GPD1L: variants seen among roughly 807,000 people sequenced by gnomAD.
The protein encoded by GPD1L is glycerol-3-phosphate dehydrogenase 1 like.
GPD1L carries 17 observed loss-of-function variants against 32.9 expected under a neutral mutation model. The observed-to-expected ratio is 0.52, with a 90% CI of 0.35 to 0.78. GPD1L has a LOEUF of 0.78. Ranked by LOEUF, GPD1L falls within the 30% of genes least tolerant of loss-of-function variation. GPD1L has a pLI of 0.01. For synonymous variants in GPD1L, 187 were observed against 165.9 expected, an observed-to-expected ratio of 1.13 and a Z score of -0.98; for missense variants, 361 against 447.8, an observed-to-expected ratio of 0.81 and a Z score of 1.75.
chr3:32,154,554 A>G (rs917677885), intron 5 of GPD1L, among the ~76,000 whole-genome samples: 5 of 151,938 alleles, frequency 3.3e-5, no homozygotes, highest in African/African-American at 7.3e-5. Flanking sequence ...CTGACCCTAG[A>G]GCAGCACGGT....
intron 1 of GPD1L, among the ~76,000 whole-genome samples, chr3:32,108,161 G>A (rs550750131): frequency 3.2e-4 from 49 of 152,334 alleles, no homozygotes; most frequent in African/African-American, 1.2e-3. Flanking sequence ...CACTTTGGGA[G>A]GCTGAGGTGG....
chr3:32,158,879 A>T lies in GPD1L; in HGVS notation c.622A>T (p.Ile208Phe), dbSNP rs960188961. The T allele has an allele frequency of 6.2e-7, 1 of 1,613,932 alleles. No individual in the cohort carries two copies. Among genetic ancestry groups the T allele is most frequent in the African/African-American group, 1.3e-5 (1 of 75,056 alleles). The change falls in exon 6 of 8, where the codon ATC becomes TTC. Residue 208 changes from isoleucine to phenylalanine, a missense_variant. By Grantham distance (21) the Ile-to-Phe change is conservative (BLOSUM62 0). Coordinates refer to ENST00000282541, the MANE Select transcript of GPD1L (RefSeq NM_015141.4). ...TVELCGALKN[I>F]VAVGAGFCDG... The stretch of plus-strand genomic sequence containing the variant: ...GGCTTTGTCATCTCCTTTGCAGAAC[A>T]TCGTAGCTGTGGGAGCTGGGTTCTG...
At chr3:32,116,179 G>A (rs1412374625) in intron 1 of GPD1L, among the ~76,000 whole-genome samples, 2 of 152,172 alleles carry the variant, frequency 1.3e-5, no homozygotes, top group Admixed American at 6.5e-5. Flanking sequence ...TCTCCATTGT[G>A]TGGGTCGTCT....
At chr3:32,159,134 AC>A in intron 6 of GPD1L, 25 bp downstream of exon 6, 1 of 1,549,464 alleles carries the variant, frequency 6.5e-7, no homozygotes, top group Non-Finnish European at 8.9e-7. Flanking sequence ...GCTCTCCCGC[AC>A]CCCCTCCTTC....
At chr3:32,148,288 C>T (rs1170823329) in intron 5 of GPD1L, among the ~76,000 whole-genome samples, 1 of 152,078 alleles carries the variant, frequency 6.6e-6, no homozygotes, top group Non-Finnish European at 1.5e-5. Flanking sequence ...GAGGTGAGGG[C>T]TTTGGAAAAG....
chr3:32,128,833 C>T (rs1700549084), intron 2 of GPD1L, among the ~76,000 whole-genome samples: 1 of 152,216 alleles, frequency 6.6e-6, no homozygotes, highest in Admixed American at 6.5e-5. Context: ...GTAGCTCCTG[C>T]TGTACCCTAA....
At chr3:32,165,680 G>A in intron 7 of GPD1L, 134 bp from the exon 8 acceptor site, 1 of 706,100 alleles carries the variant, frequency 1.4e-6, no homozygotes. Context: ...AATAATAAAG[G>A]AATGTAGAAA....
In GPD1L at chr3:32,158,881, C is replaced by G. The variant is rs267599768; in HGVS notation, c.624C>G (p.Ile208Met). Residue 208 changes from isoleucine (I) to methionine (M), a missense_variant, in exon 6 of 8, where the codon ATC becomes ATG. Ile to Met is a conservative substitution (Grantham distance 10, BLOSUM62 1). Coordinates refer to ENST00000282541, the MANE Select transcript of GPD1L (RefSeq NM_015141.4). ...TVELCGALKN[I>M]VAVGAGFCDG... ...CTTTGTCATCTCCTTTGCAGAACAT[C>G]GTAGCTGTGGGAGCTGGGTTCTGCG... is the stretch of plus-strand genomic sequence containing the variant. The G allele has an allele frequency of 6.2e-7, 1 of 1,613,838 alleles. No individual in the cohort carries two copies. Among genetic ancestry groups the G allele is most frequent in the Non-Finnish European group, 8.5e-7 (1 of 1,179,876 alleles).
At position 32,138,740 on chromosome 3, in the gene GPD1L, C is replaced by A. The variant is rs991849621; in HGVS notation, c.366+13C>A. On this transcript the variant is annotated intron_variant, in intron 3 of 7. Coordinates refer to ENST00000282541, the MANE Select transcript of GPD1L (RefSeq NM_015141.4). Reference sequence around the variant, plus strand: ...CACCCTCATCAAGGTAACTCGAGTGCATGCTGCCCAGGGCTAGACATTGGT... The same window carrying A: ...CACCCTCATCAAGGTAACTCGAGTGAATGCTGCCCAGGGCTAGACATTGGT... 1.2e-6 allele frequency: 2 copies of A among 1,613,082 alleles called. No homozygotes were observed. The highest frequency in any genetic ancestry group is 2.7e-5 in the African/African-American group (2 of 74,852).
intron 7 of GPD1L, among the ~76,000 whole-genome samples, chr3:32,163,120 C>T (rs1268399921): frequency 4.6e-5 from 7 of 150,666 alleles, no homozygotes; most frequent in African/African-American, 1.7e-4. Flanking sequence ...ATCTTAAGCC[C>T]TCAGTATTGA....
chr3:32,122,489 G>C (rs1700437239), intron 1 of GPD1L, among the ~76,000 whole-genome samples: 2 of 152,254 alleles, frequency 1.3e-5, no homozygotes, highest in South Asian at 2.1e-4. Context: ...AATTTTATTT[G>C]CATAGCATTA....
intron 7 of GPD1L, among the ~76,000 whole-genome samples, chr3:32,161,645 C>T (rs577103261): frequency 6.6e-6 from 1 of 152,306 alleles, no homozygotes; most frequent in African/African-American, 2.4e-5. Context: ...AGCCTGTTAG[C>T]TCCAGGGGGA....
At chr3:32,163,933 G>A (rs1370103438) in intron 7 of GPD1L, among the ~76,000 whole-genome samples, 1 of 152,226 alleles carries the variant, frequency 6.6e-6, no homozygotes, top group African/African-American at 2.4e-5. Flanking sequence ...CAGTGATCCT[G>A]TTGGCTTTCC....
chr3:32,108,380 G>A (rs189832989), intron 1 of GPD1L, among the ~76,000 whole-genome samples: 140 of 152,266 alleles, frequency 9.2e-4, no homozygotes, highest in East Asian at 4.3e-3. Flanking sequence ...GGTGGCAGGC[G>A]CCTGTAGTCC....
chr3:32,115,575 A>G (rs1445494648), intron 1 of GPD1L, among the ~76,000 whole-genome samples: 1 of 152,054 alleles, frequency 6.6e-6, no homozygotes, highest in Non-Finnish European at 1.5e-5. Context: ...GGTTATAGGC[A>G]AAAAAAGAAC....
chr3:32,129,385 G>C (rs1044255325), intron 2 of GPD1L, among the ~76,000 whole-genome samples: 4 of 152,160 alleles, frequency 2.6e-5, no homozygotes, highest in African/African-American at 9.7e-5. Context: ...ATAAATGTGG[G>C]GAAGTTTTAG....
In GPD1L at chr3:32,166,392, G is replaced by T; in HGVS notation, c.*482G>T. 5.6e-6 allele frequency: 1 copy of T among 177,714 alleles called. No individual in the cohort carries two copies. The allele number at this position is 177,714 out of a possible 1,614,324, so 11.0% of individuals were successfully genotyped here. A position where few individuals can be genotyped will look rare whatever the true frequency, so the allele number is the denominator to read the frequency against. The stretch of plus-strand genomic sequence containing the variant: ...TTTAACTTTTAAACACTATCTCAAA[G>T]CCAGCATAATTAACTACTTTGATTG... On this transcript the variant is annotated 3_prime_UTR_variant, in exon 8 of 8. Coordinates refer to ENST00000282541, the MANE Select transcript of GPD1L (RefSeq NM_015141.4).
rs555926220 is a variant in GPD1L at position 32,122,513 on chromosome 3, A to T, written c.48-5563A>T. ...TGCATAGCATTACAGGACTTGTGAA[A>T]TAGTGTATACTTTAAGGCCTAAGAC... is the stretch of plus-strand genomic sequence containing the variant. On this transcript the variant is annotated intron_variant, in intron 1 of 7. Transcript: ENST00000282541. Among the ~76,000 whole-genome samples, 26 of 152,374 alleles carry T rather than the reference A, an allele frequency of 1.7e-4. No homozygotes were observed. The South Asian group carries it at 5.2e-3, about 30-fold the overall frequency.
intron 2 of GPD1L, among the ~76,000 whole-genome samples, chr3:32,130,869 C>T (rs1021079451): frequency 3.3e-5 from 5 of 151,922 alleles, no homozygotes; most frequent in East Asian, 1.9e-4. Context: ...AAAAATTAGC[C>T]GGGTGTAGTG....
Sources: allele counts gnomAD v4.1 joint callset (sites outside exome capture counted in the v4.1 genomes callset), GRCh38; gene constraint gnomAD v4.1.1; transcripts MANE v1.5; gene names NCBI Gene and HGNC (gene_info 2026-07-23, HGNC 2026-07-21).